The following ADAM29 variants were observed in gnomAD, a reference collection of about 807,000 sequenced individuals.
The protein encoded by ADAM29 is ADAM metallopeptidase domain 29, also known as disintegrin and metalloproteinase domain-containing protein 29.
For synonymous variants in ADAM29, 367 were observed against 342.3 expected, an observed-to-expected ratio of 1.07 and a Z score of -0.80; for missense variants, 969 against 1,001.8, an observed-to-expected ratio of 0.97 and a Z score of 0.44.
At chr4:174,951,797 T>C (rs1019883739) in intron 4 of ADAM29, among the ~76,000 whole-genome samples, 9 of 152,134 alleles carry the variant, frequency 5.9e-5, no homozygotes, top group African/African-American at 2.2e-4. Flanking sequence ...GAGTAGCCTT[T>C]TCCCTGCTTA....
intron 4 of ADAM29, among the ~76,000 whole-genome samples, chr4:174,972,674 A>G (rs1200990662): frequency 1.3e-5 from 2 of 152,132 alleles, no homozygotes; most frequent in East Asian, 3.9e-4. Flanking sequence ...GGGAGTATCT[A>G]TGGTGTCCAC....
chr4:174,976,445 G>A lies in ADAM29; in HGVS notation c.920G>A (p.Cys307Tyr), dbSNP rs368263031. The A allele has an allele frequency of 1.2e-6, 2 of 1,606,664 alleles. No homozygotes were observed. Among genetic ancestry groups the A allele is most frequent in the Non-Finnish European group, 1.7e-6 (2 of 1,176,612 alleles). The change falls in exon 5 of 5, where the codon TGT becomes TAT. Residue 307 changes from cysteine to tyrosine, a missense_variant. Transcript: ENST00000359240. ...LSGIGAFRGM[C>Y]TPHRSCAIVT... ...GGCATAGGAGCTTTTAGAGGAATGT[G>A]TACACCACACCGTAGTTGTGCAATT...
intron 1 of ADAM29, among the ~76,000 whole-genome samples, chr4:174,919,925 T>C (rs1560854596): frequency 6.6e-6 from 1 of 152,204 alleles, no homozygotes; most frequent in Non-Finnish European, 1.5e-5. Context: ...AGTCATTTTC[T>C]TATTCTGTCT....
chr4:174,930,119 G>C (rs374046318), intron 2 of ADAM29, among the ~76,000 whole-genome samples: 4 of 151,936 alleles, frequency 2.6e-5, no homozygotes, highest in African/African-American at 9.7e-5. Context: ...TAGTAGAGAC[G>C]GGGTTTCACC....
At chr4:174,966,380 A>T (rs1182007998) in intron 4 of ADAM29, among the ~76,000 whole-genome samples, 1 of 152,198 alleles carries the variant, frequency 6.6e-6, no homozygotes, top group Non-Finnish European at 1.5e-5. Flanking sequence ...AAGCATTTTT[A>T]AAATCAGATA....
chr4:174,937,918 A>G (rs1027261516), intron 4 of ADAM29, among the ~76,000 whole-genome samples: 1 of 152,114 alleles, frequency 6.6e-6, no homozygotes, highest in Non-Finnish European at 1.5e-5. Flanking sequence ...GATACAGGTT[A>G]GGGCAAGTTT....
intron 4 of ADAM29, among the ~76,000 whole-genome samples, chr4:174,946,841 T>G (rs910482814): frequency 1.3e-5 from 2 of 152,164 alleles, no homozygotes; most frequent in South Asian, 4.1e-4. Context: ...ATTACACATC[T>G]GGTAGAATTT....
intron 3 of ADAM29, among the ~76,000 whole-genome samples, chr4:174,934,859 A>G (rs1744111030): frequency 6.6e-6 from 1 of 152,202 alleles, no homozygotes. Context: ...TATTATAATT[A>G]GATGCAAAAA....
At chr4:174,944,058 C>A (rs1744698376) in intron 4 of ADAM29, among the ~76,000 whole-genome samples, 3 of 151,188 alleles carry the variant, frequency 2.0e-5, no homozygotes, top group Admixed American at 2.0e-4. Flanking sequence ...ATTATAAATA[C>A]AATTATAAAT....
At chr4:174,943,181 C>T (rs1028536330) in intron 4 of ADAM29, among the ~76,000 whole-genome samples, 2 of 152,172 alleles carry the variant, frequency 1.3e-5, no homozygotes, top group East Asian at 1.9e-4. Flanking sequence ...GTTGATCAAA[C>T]GCATTCAGCA....
intron 4 of ADAM29, among the ~76,000 whole-genome samples, chr4:174,962,998 G>T (rs1164968754): frequency 3.3e-5 from 5 of 152,124 alleles, no homozygotes; most frequent in Non-Finnish European, 5.9e-5. Flanking sequence ...CAGAAAATAA[G>T]ACAATTAGTG....
intron 4 of ADAM29, among the ~76,000 whole-genome samples, chr4:174,968,773 A>C (rs1248231015): frequency 9.1e-5 from 3 of 33,020 alleles, no homozygotes; most frequent in African/African-American, 8.3e-4. Context: ...CTTTCCGCCC[A>C]CACACACACA....
intron 4 of ADAM29, among the ~76,000 whole-genome samples, chr4:174,954,822 G>T (rs1340226031): frequency 6.6e-6 from 1 of 152,010 alleles, no homozygotes; most frequent in East Asian, 1.9e-4. Flanking sequence ...AATGGGCTTG[G>T]ATTAAATGTA....
At position 174,977,935 on chromosome 4, in the gene ADAM29, A is replaced by G. The variant is rs1474091297; in HGVS notation, c.2410A>G (p.Arg804Gly). The G allele has an allele frequency of 6.3e-7, 1 of 1,578,714 alleles. No homozygotes were observed. The highest frequency in any genetic ancestry group is 8.6e-7 in the Non-Finnish European group (1 of 1,157,162). Residue 804 changes from arginine to glycine, a missense_variant, in exon 5 of 5, where the codon AGG (arginine) becomes GGG (glycine). Physicochemically the swap from Arg to Gly is moderately radical, Grantham distance 125 (BLOSUM62 -2). Coordinates refer to ENST00000359240, the MANE Select transcript of ADAM29 (RefSeq NM_014269.4). Reference protein sequence around the residue: ...QSQPPVTPSQRQPQLMPSQSQ... With the variant: ...QSQPPVTPSQGQPQLMPSQSQ... ...TCAACCTCCTGTGACACCCTCCCAG[A>G]GGCAACCTCAGTTGATGCCTTCCCA...
intron 4 of ADAM29, among the ~76,000 whole-genome samples, chr4:174,958,453 A>G (rs962971065): frequency 2.0e-5 from 3 of 151,774 alleles, no homozygotes; most frequent in Admixed American, 6.6e-5. Flanking sequence ...TTCTTGTCTG[A>G]AATATACTTT....
chr4:174,957,881 T>C (rs1220867723), intron 4 of ADAM29, among the ~76,000 whole-genome samples: 1 of 151,832 alleles, frequency 6.6e-6, no homozygotes, highest in Non-Finnish European at 1.5e-5. Flanking sequence ...GAAAAGGCAT[T>C]TGGTGATGAT....
At chr4:174,968,454 G>A (rs1023336278) in intron 4 of ADAM29, among the ~76,000 whole-genome samples, 1 of 152,124 alleles carries the variant, frequency 6.6e-6, no homozygotes, top group Non-Finnish European at 1.5e-5. Flanking sequence ...GCATTGCAAA[G>A]GACTGGATCT....
chr4:174,966,329 T>G (rs559327336), intron 4 of ADAM29, among the ~76,000 whole-genome samples: 1 of 152,338 alleles, frequency 6.6e-6, no homozygotes, highest in African/African-American at 2.4e-5. Context: ...CTTAATTCAT[T>G]TCAGCATCAA....
At chr4:174,974,026 C>T (rs766382051) in intron 4 of ADAM29, among the ~76,000 whole-genome samples, 19 of 152,264 alleles carry the variant, frequency 1.2e-4, no homozygotes, top group East Asian at 9.7e-4. Context: ...TATCGAATGA[C>T]GGTTAGGTTA....
Sources: allele counts gnomAD v4.1 joint callset (sites outside exome capture counted in the v4.1 genomes callset), GRCh38; gene constraint gnomAD v4.1.1; transcripts MANE v1.5; gene names NCBI Gene and HGNC (gene_info 2026-07-23, HGNC 2026-07-21).